Variants in EPHA7 observed in about 807,000 individuals in gnomAD.
EPHA7 encodes the protein ephrin type-A receptor 7.
A neutral mutation model predicts 112.6 loss-of-function variants in EPHA7; 25 were observed. That is an observed-to-expected ratio of 0.22 (90% CI 0.16 to 0.31). The LOEUF (loss-of-function observed/expected upper bound fraction) is 0.31. Ranked by LOEUF, EPHA7 falls within the 10% of genes least tolerant of loss-of-function variation. The pLI is 1.00. For missense variants in EPHA7, 962 were observed against 1,212.6 expected, an observed-to-expected ratio of 0.79 and a Z score of 3.07; for synonymous variants, 437 against 406.5, an observed-to-expected ratio of 1.07 and a Z score of -0.90.
intron 5 of EPHA7, among the ~76,000 whole-genome samples, chr6:93,353,180 C>A (rs1411787897): frequency 1.3e-5 from 2 of 151,826 alleles, no homozygotes; most frequent in African/African-American, 2.4e-5. Context: ...ATATGTTTTC[C>A]CCCTACTTCT....
At chr6:93,338,830 C>T (rs1775000931) in intron 5 of EPHA7, among the ~76,000 whole-genome samples, 1 of 150,918 alleles carries the variant, frequency 6.6e-6, no homozygotes, top group African/African-American at 2.4e-5. Context: ...GGAAGAGGTC[C>T]TGTAGTCTGA....
intron 1 of EPHA7, among the ~76,000 whole-genome samples, chr6:93,417,082 G>A (rs920270581): frequency 2.0e-5 from 3 of 152,150 alleles, no homozygotes; most frequent in African/African-American, 7.2e-5. Context: ...CGGCGGCGGC[G>A]GCATTTACGG....
chr6:93,245,986 A>G (rs1769927618), intron 15 of EPHA7, among the ~76,000 whole-genome samples: 1 of 152,200 alleles, frequency 6.6e-6, no homozygotes, highest in South Asian at 2.1e-4. Context: ...AAGCAAGCCA[A>G]ATGCAAAGGA....
chr6:93,360,773 C>G (rs1241072286), intron 3 of EPHA7, among the ~76,000 whole-genome samples: 1 of 151,954 alleles, frequency 6.6e-6, no homozygotes, highest in East Asian at 1.9e-4. Context: ...GATGGGAAAA[C>G]AGATTTAAAG....
At chr6:93,340,837 T>C (rs2127919941) in intron 5 of EPHA7, among the ~76,000 whole-genome samples, 1 of 151,950 alleles carries the variant, frequency 6.6e-6, no homozygotes, top group Admixed American at 6.6e-5. Flanking sequence ...AGTTATACAT[T>C]GAGAGAAAAA....
intron 14 of EPHA7, 149 bp downstream of exon 14, chr6:93,254,498 T>C (rs1770349645): frequency 2.1e-6 from 1 of 478,668 alleles, no homozygotes; most frequent in African/African-American, 2.0e-5. Flanking sequence ...GAACCACTAA[T>C]TTATGGTAAT....
At position 93,318,486 on chromosome 6, in the gene EPHA7, T is replaced by C. The variant is rs1013270075; in HGVS notation, c.1324+38231A>G. ...TGAGAAATGAGAAAAAGACAGGTAA[T>C]GCAATAAATTATGCATTTTAACAAA... On this transcript the variant is annotated intron_variant, in intron 5 of 16. Coordinates refer to ENST00000369303, the MANE Select transcript of EPHA7 (RefSeq NM_004440.4). Among the ~76,000 whole-genome samples, 42 of 152,214 alleles carry C rather than the reference T, an allele frequency of 2.8e-4. 1 individual carries two copies. The highest frequency in any genetic ancestry group is 9.9e-4 in the African/African-American group (41 of 41,546).
rs1769677588 is a variant in EPHA7 at position 93,241,272 on chromosome 6, A to T, written c.*2154T>A. The T allele has an allele frequency of 4.5e-6, 1 of 220,814 alleles. No individual in the cohort carries two copies. Among genetic ancestry groups the T allele is most frequent in the Admixed American group, 5.8e-5 (1 of 17,366 alleles). 13.7% of individuals were successfully genotyped at this position (220,814 alleles called of 1,614,324 possible). ...GAACTTCATTATTAGTGAGTCTAGA[A>T]TCCAAAAGGAATTAAGAACACTCAC... On this transcript the variant is annotated 3_prime_UTR_variant, in exon 17 of 17. Coordinates refer to ENST00000369303, the MANE Select transcript of EPHA7 (RefSeq NM_004440.4).
chr6:93,376,874 A>G (rs150226547), intron 3 of EPHA7, among the ~76,000 whole-genome samples: 84 of 152,236 alleles, frequency 5.5e-4, no homozygotes, highest in Non-Finnish European at 9.4e-4. Context: ...TCGGATGTCT[A>G]TGTTTCCTGA....
At chr6:93,403,522 C>T (rs1052071728) in intron 3 of EPHA7, among the ~76,000 whole-genome samples, 46 of 151,778 alleles carry the variant, frequency 3.0e-4, no homozygotes, top group African/African-American at 1.1e-3. Flanking sequence ...GCCTGCAGTC[C>T]CAGCTACTTG....
chr6:93,361,837 G>A (rs549560467), intron 3 of EPHA7, among the ~76,000 whole-genome samples: 1 of 152,010 alleles, frequency 6.6e-6, no homozygotes, highest in Non-Finnish European at 1.5e-5. Flanking sequence ...AATTGATATA[G>A]CATGTGCCCT....
In EPHA7 at chr6:93,258,277, G is replaced by T; in HGVS notation, c.1932C>A (p.Phe644Leu). ...TCAAACGGCCACTGCAGACTTCACC[G>T]AATTCTCCTGAAGTAACAGAACAAG... ...KIERVIGAGE[F>L]GEVCSGRLKL... Residue 644 changes from phenylalanine (F) to leucine (L), a missense_variant, in exon 11 of 17, where the codon TTC becomes TTA. Phe to Leu is a conservative substitution (Grantham distance 22). Coordinates refer to ENST00000369303, the MANE Select transcript of EPHA7 (RefSeq NM_004440.4). 6.3e-7 allele frequency: 1 copy of T among 1,587,660 alleles called. No individual in the cohort carries two copies. The highest frequency in any genetic ancestry group is 8.6e-7 in the Non-Finnish European group (1 of 1,166,202).
chr6:93,347,609 T>C (rs1775465179), intron 5 of EPHA7, among the ~76,000 whole-genome samples: 2 of 151,880 alleles, frequency 1.3e-5, no homozygotes. Flanking sequence ...TATAAGAAAA[T>C]ACCACAGACT....
At chr6:93,258,337 C>CG (rs2127859305) in intron 10 of EPHA7, 53 bp from the exon 11 acceptor site, 5 of 1,454,728 alleles carry the variant, frequency 3.4e-6, no homozygotes, top group Non-Finnish European at 3.7e-6. Context: ...TTGTAATTTT[C>CG]TTTTAAGAGT....
intron 7 of EPHA7, among the ~76,000 whole-genome samples, 194 bp downstream of exon 7, chr6:93,269,283 G>A (rs1771094430): frequency 6.6e-6 from 1 of 151,386 alleles, no homozygotes; most frequent in South Asian, 2.1e-4. Flanking sequence ...AAATCACAAG[G>A]TTCTAAAATT....
At position 93,283,969 on chromosome 6, in the gene EPHA7, TTC is replaced by T. The variant is rs2127827599; in HGVS notation, c.1325-11549_1325-11548del. ...TAAAATATAATTGAAGGTATGCCTATTCTTAAAGTGATATTCATTTAAGCTGA... is the reference window on the plus strand; with the variant it reads ...TAAAATATAATTGAAGGTATGCCTATTTAAAGTGATATTCATTTAAGCTGA... On this transcript the variant is annotated intron_variant, in intron 5 of 16. Transcript: ENST00000369303. Among the ~76,000 whole-genome samples the T allele has an allele frequency of 1.3e-5, 2 of 152,342 alleles. 1 individual carries two copies. Among genetic ancestry groups the T allele is most frequent in the South Asian group, 4.1e-4 (2 of 4,834 alleles).
chr6:93,252,275 T>G (rs1770250874), intron 14 of EPHA7, among the ~76,000 whole-genome samples: 1 of 152,020 alleles, frequency 6.6e-6, no homozygotes, highest in Admixed American at 6.6e-5. Context: ...TTTTAAAATC[T>G]GAGGCATTTA....
intron 3 of EPHA7, among the ~76,000 whole-genome samples, chr6:93,375,633 A>C (rs1777021126): frequency 6.7e-6 from 1 of 149,390 alleles, no homozygotes; most frequent in African/African-American, 2.4e-5. Context: ...GCCTGAATTA[A>C]AAAAAAAAAA....
chr6:93,292,746 AAATAT>A (rs1772445380), intron 5 of EPHA7, among the ~76,000 whole-genome samples: 1 of 152,200 alleles, frequency 6.6e-6, no homozygotes, highest in South Asian at 2.1e-4. Context: ...TTTGTAGTGT[AAATAT>A]AATATAATGC....
Sources: gnomAD v4.1 joint callset for allele counts (sites outside exome capture counted in the v4.1 genomes callset) on GRCh38, gnomAD v4.1.1 for gene constraint, MANE v1.5 for transcripts, NCBI Gene and HGNC (gene_info 2026-07-23, HGNC 2026-07-21) for gene names.